IL1R2: variants seen among roughly 807,000 people sequenced by gnomAD.
The protein encoded by IL1R2 is interleukin 1 receptor type 2.
Under a neutral mutation model 39.5 loss-of-function variants are expected in IL1R2, and 46 were observed. That is an observed-to-expected ratio of 1.16 (90% confidence interval 0.92 to 1.49). IL1R2 has a LOEUF of 1.49. Ranked by LOEUF, IL1R2 falls within the 40% of genes most tolerant of loss-of-function variation. The pLI is 0.00. For synonymous variants in IL1R2, 207 were observed against 189.6 expected (o/e 1.09, Z -0.75); for missense variants, 537 against 502.0 (o/e 1.07, Z -0.67).
intron 1 of IL1R2, among the ~76,000 whole-genome samples, chr2:101,992,938 C>G (rs1356686016): frequency 6.6e-6 from 1 of 152,070 alleles, no homozygotes; most frequent in Non-Finnish European, 1.5e-5. Flanking sequence ...TATTTCTGGG[C>G]CTCAGTTTTT....
At chr2:102,010,353 C>G (rs998036190) in intron 3 of IL1R2, among the ~76,000 whole-genome samples, 1 of 152,042 alleles carries the variant, frequency 6.6e-6, no homozygotes, top group African/African-American at 2.4e-5. Flanking sequence ...GAGGGTGGAT[C>G]ACGAGGTCAG....
intron 6 of IL1R2, among the ~76,000 whole-genome samples, chr2:102,024,171 CAA>C (rs1429948771): frequency 2.0e-5 from 3 of 152,088 alleles, no homozygotes; most frequent in Non-Finnish European, 4.4e-5. Context: ...CAGCCTCAGG[CAA>C]AGAGAAAGAA....
chr2:102,006,173 A>G (rs1487797732), intron 1 of IL1R2, among the ~76,000 whole-genome samples: 3 of 152,206 alleles, frequency 2.0e-5, no homozygotes, highest in Admixed American at 1.3e-4. Context: ...CTAATGGTGC[A>G]CTAATGAGTC....
intron 1 of IL1R2, among the ~76,000 whole-genome samples, chr2:101,996,893 C>T (rs1339197986): frequency 7.6e-6 from 1 of 132,124 alleles, no homozygotes; most frequent in East Asian, 2.5e-4. Context: ...GCTCTAAAGG[C>T]CCTTTCCCAC....
intron 1 of IL1R2, among the ~76,000 whole-genome samples, chr2:102,003,097 T>C (rs1250553075): frequency 8.5e-6 from 1 of 118,262 alleles, no homozygotes; most frequent in Non-Finnish European, 2.0e-5. Context: ...TCTGTGTCTA[T>C]GTCTGTGTCT....
chr2:102,019,161 T>C (rs931865644), intron 4 of IL1R2, among the ~76,000 whole-genome samples: 4 of 152,138 alleles, frequency 2.6e-5, no homozygotes, highest in African/African-American at 9.7e-5. Context: ...CCCTATTTAG[T>C]TTTTCTTATA....
intron 3 of IL1R2, among the ~76,000 whole-genome samples, chr2:102,015,053 TAA>T (rs1159683584): frequency 6.6e-6 from 1 of 152,134 alleles, no homozygotes; most frequent in African/African-American, 2.4e-5. Flanking sequence ...GGTCTTACAC[TAA>T]GTTTCCAGCA....
intron 1 of IL1R2, 82 bp from the exon 2 acceptor site, chr2:102,008,433 A>C: frequency 1.4e-6 from 1 of 693,934 alleles, no homozygotes; most frequent in Non-Finnish European, 2.6e-6. Context: ...TGAAGCTTCC[A>C]GACCCTGCCC....
intron 3 of IL1R2, among the ~76,000 whole-genome samples, chr2:102,013,019 A>G (rs1676734534): frequency 6.6e-6 from 1 of 152,218 alleles, no homozygotes; most frequent in Non-Finnish European, 1.5e-5. Context: ...GGGGTCTGCC[A>G]TGGTAGGTGG....
At chr2:102,028,142 C>A (rs1677845335) in intron 8 of IL1R2, 84 bp from the exon 9 acceptor site, 1 of 1,185,480 alleles carries the variant, frequency 8.4e-7, no homozygotes, top group South Asian at 2.3e-5. Context: ...CAATTTCTTT[C>A]TTATCTTGTA....
At position 102,007,064 on chromosome 2, in the gene IL1R2, A is replaced by G. The variant is rs539591353; in HGVS notation, c.-61-1451A>G. Among the ~76,000 whole-genome samples the G allele has an allele frequency of 3.3e-5, 5 of 152,278 alleles. No homozygotes were observed. In the East Asian group the frequency reaches 9.6e-4, roughly 29 times the overall value. On this transcript the variant is annotated intron_variant, in intron 1 of 8. Transcript: ENST00000332549. ...AGGTTAACCAACTTCCATCTTGCCCACAGACTTGTGAGCAAGAGTGAACGA... is the reference window on the plus strand; with the variant it reads ...AGGTTAACCAACTTCCATCTTGCCCGCAGACTTGTGAGCAAGAGTGAACGA...
intron 1 of IL1R2, among the ~76,000 whole-genome samples, chr2:102,003,775 C>T (rs1236658050): frequency 9.4e-5 from 13 of 138,634 alleles, no homozygotes; most frequent in African/African-American, 3.6e-4. Context: ...TCTATGTCTA[C>T]GTGTATATCT....
chr2:101,994,775 C>T (rs1224367958), intron 1 of IL1R2, among the ~76,000 whole-genome samples: 1 of 152,174 alleles, frequency 6.6e-6, no homozygotes, highest in African/African-American at 2.4e-5. Context: ...TTCTGATTCT[C>T]TTGGTCTGAA....
At chr2:102,019,312 A>G (rs1677208647) in intron 4 of IL1R2, among the ~76,000 whole-genome samples, 1 of 152,248 alleles carries the variant, frequency 6.6e-6, no homozygotes, top group African/African-American at 2.4e-5. Context: ...TAAGGCCTGA[A>G]GGTAGCAGTC....
intron 3 of IL1R2, among the ~76,000 whole-genome samples, chr2:102,011,527 G>T (rs1369024651): frequency 1.3e-5 from 2 of 152,186 alleles, no homozygotes; most frequent in Non-Finnish European, 2.9e-5. Flanking sequence ...AACCATCTGT[G>T]CATCTTCGCT....
rs771277638 is a variant in IL1R2 at position 102,026,201 on chromosome 2, T to C, written c.978T>C (p.Cys326=). The change falls in exon 8 of 9, where the codon TGT becomes TGC. Residue 326 remains cysteine (C), a synonymous_variant. Coordinates refer to ENST00000332549, the MANE Select transcript of IL1R2 (RefSeq NM_004633.4). The stretch of plus-strand genomic sequence containing the variant: ...AGGATTTGCACATGGATTTTAAATG[T>C]GTTGTCCATAATACCCTGAGTTTTC... ...TREDLHMDFK[C]VVHNTLSFQT... 1.9e-5 allele frequency: 30 copies of C among 1,613,500 alleles called. No homozygotes were observed. The highest frequency in any genetic ancestry group is 1.6e-4 in the Middle Eastern group (1 of 6,084).
chr2:102,009,938 T>C lies in IL1R2; in HGVS notation c.332+112T>C. The C allele has an allele frequency of 2.4e-6, 3 of 1,227,760 alleles. No homozygotes were observed. The South Asian group carries it at 4.2e-5, about 17-fold the overall frequency. The allele number at this position is 1,227,760 out of a possible 1,614,324, so 76.1% of individuals were successfully genotyped here. ...TCCAGTGTACAAAATACAAATCCAGTGAATCCACATTGCATCCCGTTTGCT... is the reference window on the plus strand; with the variant it reads ...TCCAGTGTACAAAATACAAATCCAGCGAATCCACATTGCATCCCGTTTGCT... On this transcript the variant is annotated intron_variant, in intron 3 of 8. Transcript: ENST00000332549.
intron 1 of IL1R2, among the ~76,000 whole-genome samples, chr2:102,006,353 T>C (rs1676260238): frequency 2.6e-5 from 4 of 152,124 alleles, no homozygotes; most frequent in Admixed American, 2.0e-4. Context: ...AATAGTATTG[T>C]GTAGAAACAG....
At chr2:102,008,674 C>T (rs1442319331) in intron 2 of IL1R2, 32 bp downstream of exon 2, 1 of 1,574,746 alleles carries the variant, frequency 6.4e-7, no homozygotes, top group Non-Finnish European at 8.7e-7. Context: ...TGCAAAAAGG[C>T]TTGCCTGTAG....
Sources: gnomAD v4.1 joint callset for allele counts (sites outside exome capture counted in the v4.1 genomes callset) on GRCh38, gnomAD v4.1.1 for gene constraint, MANE v1.5 for transcripts, NCBI Gene and HGNC (gene_info 2026-07-23, HGNC 2026-07-21) for gene names.